The following FTCDNL1 variants were observed in gnomAD, a reference collection of about 807,000 sequenced individuals.
FTCDNL1 encodes the protein formiminotransferase cyclodeaminase N-terminal like.
A neutral mutation model predicts 5.9 loss-of-function variants in FTCDNL1; 11 were observed. The observed-to-expected ratio is 1.87, with a 90% confidence interval of 1.18 to 3.10. The LOEUF is 3.10. FTCDNL1 is among the 30% of genes most tolerant of loss of function. The pLI is 0.00. For missense variants in FTCDNL1, 115 were observed against 65.5 expected (o/e 1.76, Z -2.61); for synonymous variants, 58 against 24.8 (o/e 2.34, Z -3.99).
the FTCDNL1 span, among the ~76,000 whole-genome samples, chr2:199,702,218 A>G: frequency 6.6e-6 from 1 of 152,168 alleles, no homozygotes; most frequent in Non-Finnish European, 1.5e-5. Context: ...TAATCTGTAC[A>G]TCAAACCCCC....
At chr2:199,849,213 G>A (rs2076811331) in intron 1 of FTCDNL1, among the ~76,000 whole-genome samples, 1 of 152,176 alleles carries the variant, frequency 6.6e-6, no homozygotes, top group Non-Finnish European at 1.5e-5. Context: ...AGGGTCCTCA[G>A]CGTGAATTTC....
At chr2:199,741,373 A>G in the FTCDNL1 span, among the ~76,000 whole-genome samples, 1 of 152,232 alleles carries the variant, frequency 6.6e-6, no homozygotes, top group Non-Finnish European at 1.5e-5. Flanking sequence ...GAAGTCTATT[A>G]AATATGTACC....
Position 199,809,310 on chromosome 2 carries a change from C to T in FTCDNL1, c.*3395G>A, listed in dbSNP as rs1388071588. ...CTCACTACATTGACCAAGCTGGTCT[C>T]AAACTCCTGGGTTCAAGTGATCCTC... On this transcript the variant is annotated 3_prime_UTR_variant, in exon 5 of 5. Coordinates refer to ENST00000420128, the MANE Select transcript of FTCDNL1 (RefSeq NM_001363886.2). 6.6e-6 allele frequency among the ~76,000 whole-genome samples: 1 copy of T among 150,550 alleles called. No individual in the cohort carries two copies. The highest frequency in any genetic ancestry group is 1.5e-5 in the Non-Finnish European group (1 of 67,850).
chr2:199,705,584 A>C, the FTCDNL1 span, among the ~76,000 whole-genome samples: 7 of 152,016 alleles, frequency 4.6e-5, no homozygotes, highest in African/African-American at 1.4e-4. Context: ...TATGCTTTTT[A>C]TTTCTTTTTC....
the FTCDNL1 span, among the ~76,000 whole-genome samples, chr2:199,704,225 C>T: frequency 6.6e-6 from 1 of 152,138 alleles, no homozygotes; most frequent in Admixed American, 6.6e-5. Flanking sequence ...CAATAAAGAA[C>T]AGCAATAACA....
In FTCDNL1 at chr2:199,777,631, A is replaced by G. The variant is rs551875758; in HGVS notation, c.212-16796T>C. Among the ~76,000 whole-genome samples, 3 of 152,320 alleles carry G rather than the reference A, an allele frequency of 2.0e-5. 1 individual carries two copies. The South Asian group carries it at 6.2e-4, about 32-fold the overall frequency. ...AGAATGTTTGACCAAATATCTGGAT[A>G]TTATGGCCAAGCTGACACATAACAT... On this transcript the variant is annotated intron_variant, in intron 3 of 3. Coordinates refer to the FTCDNL1 transcript ENST00000416668.
chr2:199,713,490 G>T, the FTCDNL1 span, among the ~76,000 whole-genome samples: 1 of 152,278 alleles, frequency 6.6e-6, no homozygotes, highest in South Asian at 2.1e-4. Context: ...TGCCTGAGTT[G>T]AGGAGAAAGA....
the FTCDNL1 span, among the ~76,000 whole-genome samples, chr2:199,676,274 T>C: frequency 6.6e-6 from 1 of 152,190 alleles, no homozygotes; most frequent in Admixed American, 6.5e-5. Context: ...CAGACCTTGC[T>C]GGTCAGTGAA....
the FTCDNL1 span, among the ~76,000 whole-genome samples, chr2:199,709,560 C>G: frequency 4.6e-5 from 7 of 152,080 alleles, no homozygotes; most frequent in Non-Finnish European, 1.5e-5. Flanking sequence ...TAGGAGAAAA[C>G]TAGGAGAGCA....
intron 3 of FTCDNL1, among the ~76,000 whole-genome samples, chr2:199,829,148 C>T (rs977943146): frequency 6.6e-6 from 1 of 152,148 alleles, no homozygotes; most frequent in African/African-American, 2.4e-5. Flanking sequence ...AAAACTGCAG[C>T]TTCCTAAATC....
chr2:199,705,070 G>A, the FTCDNL1 span, among the ~76,000 whole-genome samples: 4 of 152,174 alleles, frequency 2.6e-5, no homozygotes, highest in African/African-American at 9.7e-5. Context: ...TGACAGCCCA[G>A]AGGCCAGTCA....
chr2:199,776,848 C>T (rs1200027722), intron 3 of FTCDNL1, among the ~76,000 whole-genome samples: 1 of 151,542 alleles, frequency 6.6e-6, no homozygotes, highest in East Asian at 1.9e-4. Context: ...CCTATATATA[C>T]ACACACACAT....
At chr2:199,742,273 C>A in the FTCDNL1 span, among the ~76,000 whole-genome samples, 1 of 152,062 alleles carries the variant, frequency 6.6e-6, no homozygotes, top group African/African-American at 2.4e-5. Flanking sequence ...AGACTTACAC[C>A]CTGCTCCTTC....
the FTCDNL1 span, among the ~76,000 whole-genome samples, chr2:199,665,273 C>T: frequency 2.0e-4 from 31 of 152,090 alleles, 1 homozygote; most frequent in East Asian, 5.8e-3. Context: ...CTTTAGACAC[C>T]CCAGTTTCTT....
chr2:199,747,901 G>A, the FTCDNL1 span, among the ~76,000 whole-genome samples: 3 of 152,022 alleles, frequency 2.0e-5, no homozygotes, highest in Admixed American at 6.5e-5. Flanking sequence ...ACCCTTCTTG[G>A]CCTGGGAACC....
rs566726348 is a variant in FTCDNL1 at position 199,767,828 on chromosome 2, G to C, written c.212-6993C>G. Among the ~76,000 whole-genome samples, 245 of 152,276 alleles carry C rather than the reference G, an allele frequency of 1.6e-3. 4 individuals are homozygous for C. The highest frequency in any genetic ancestry group is 5.6e-3 in the African/African-American group (234 of 41,558). ...CAAAAACTGTGAGAAGTAGGTTTCT[G>C]TTATTATATATCACCCAGTCTCAAG... On this transcript the variant is annotated intron_variant, in intron 3 of 3. Coordinates refer to the FTCDNL1 transcript ENST00000416668.
At chr2:199,681,115 A>T in the FTCDNL1 span, among the ~76,000 whole-genome samples, 1 of 152,260 alleles carries the variant, frequency 6.6e-6, no homozygotes, top group East Asian at 1.9e-4. Flanking sequence ...TGATAAGTTT[A>T]AAAAGTTAAA....
downstream of FTCDNL1, among the ~76,000 whole-genome samples, chr2:199,758,736 A>G (rs1364501743): frequency 2.0e-5 from 3 of 152,170 alleles, no homozygotes; most frequent in East Asian, 5.8e-4. Context: ...CTTGTAGGAA[A>G]TGGGGTAGGG....
the FTCDNL1 span, among the ~76,000 whole-genome samples, chr2:199,694,826 C>T: frequency 6.6e-6 from 1 of 151,840 alleles, no homozygotes; most frequent in Non-Finnish European, 1.5e-5. Context: ...AGAGTAAGAC[C>T]CTGTCTCAAA....
Sources: allele counts gnomAD v4.1 joint callset (sites outside exome capture counted in the v4.1 genomes callset), GRCh38; gene constraint gnomAD v4.1.1; transcripts MANE v1.5; gene names NCBI Gene and HGNC (gene_info 2026-07-23, HGNC 2026-07-21).